Variants in ALS2 observed in about 807,000 individuals in gnomAD.
ALS2 encodes alsin Rho guanine nucleotide exchange factor ALS2, also known as alsin.
A neutral mutation model predicts 203.4 loss-of-function variants in ALS2; 117 were observed. That is an observed-to-expected ratio of 0.58 (90% CI 0.50 to 0.67). ALS2 has a LOEUF of 0.67. Among genes scored for constraint, ALS2 ranks in the 30% least tolerant of loss-of-function variants. The probability of loss-of-function intolerance (pLI) is 0.00; values close to 1 mark genes in which losing one functional copy is unlikely to be tolerated. For synonymous variants in ALS2, 718 were observed against 725.9 expected (o/e 0.99, Z 0.17); for missense variants, 1,715 against 1,989.4 (o/e 0.86, Z 2.62).
chr2:201,767,132 G>GA (rs1272706965), intron 3 of ALS2, 97 bp downstream of exon 3: 4 of 1,384,642 alleles, frequency 2.9e-6, no homozygotes, highest in Non-Finnish European at 4.0e-6. Flanking sequence ...AAAAGAAAAA[G>GA]AACCCCTAGT....
At chr2:201,706,371 G>A (rs1367404996) in intron 29 of ALS2, among the ~76,000 whole-genome samples, 2 of 142,200 alleles carry the variant, frequency 1.4e-5, no homozygotes, top group African/African-American at 5.2e-5. Context: ...GCATGACAGA[G>A]TGAAACTCTC....
At chr2:201,715,959 T>C (rs1412969832) in intron 24 of ALS2, 120 bp from the exon 25 acceptor site, 1 of 978,466 alleles carries the variant, frequency 1.0e-6, no homozygotes, top group African/African-American at 1.6e-5. Context: ...CTGCCAAGAC[T>C]GATGGTAATT....
intron 2 of ALS2, among the ~76,000 whole-genome samples, chr2:201,767,651 G>A (rs1318170009): frequency 7.3e-5 from 11 of 151,696 alleles, no homozygotes; most frequent in African/African-American, 2.7e-4. Context: ...TCACAAGGTA[G>A]GAGCTCGAGA....
intron 24 of ALS2, among the ~76,000 whole-genome samples, chr2:201,717,085 C>T (rs1690448323): frequency 6.6e-6 from 1 of 152,034 alleles, no homozygotes; most frequent in Non-Finnish European, 1.5e-5. Flanking sequence ...CTCATATATG[C>T]AGATTTTACT....
At chr2:201,716,665 A>T (rs534120374) in intron 24 of ALS2, 2,154 of 150,796 alleles carry the variant, frequency 0.014, 26 homozygotes, top group Non-Finnish European at 0.026. Flanking sequence ...CAGTGAGCTG[A>T]GATCACGCCA....
chr2:201,776,063 A>G (rs917716415), intron 1 of ALS2, among the ~76,000 whole-genome samples: 1 of 152,212 alleles, frequency 6.6e-6, no homozygotes. Flanking sequence ...AGTGCCTGTA[A>G]TAAAAGTCAG....
At chr2:201,728,759 G>C in intron 14 of ALS2, 119 bp from the exon 15 acceptor site, 1 of 1,260,820 alleles carries the variant, frequency 7.9e-7, no homozygotes, top group Non-Finnish European at 1.1e-6. Context: ...AGCTTAGCTT[G>C]GTGTAAAATC....
chr2:201,757,806 T>C (rs527255797), intron 4 of ALS2, 47 bp from the exon 5 acceptor site: 2 of 1,399,416 alleles, frequency 1.4e-6, no homozygotes, highest in South Asian at 2.5e-5. Context: ...TAATCCCTTA[T>C]GCAACAAGCA....
At chr2:201,705,364 C>T in intron 30 of ALS2, 52 bp downstream of exon 30, 1 of 1,576,088 alleles carries the variant, frequency 6.3e-7, no homozygotes, top group Non-Finnish European at 8.7e-7. Flanking sequence ...TATCTCAAAT[C>T]CTTCCCATTA....
At chr2:201,725,903 C>T (rs764900790) in intron 19 of ALS2, among the ~76,000 whole-genome samples, 1 of 152,196 alleles carries the variant, frequency 6.6e-6, no homozygotes, top group African/African-American at 2.4e-5. Context: ...CACAGACACA[C>T]AAAATCACCT....
In ALS2 at chr2:201,767,389, A is replaced by T; in HGVS notation, c.21-6T>A. ...ATCCTTCTGCCTCTGTTGAGCTAAA[A>T]CATCAAGAAACATAGCTTAATTGTT... On this transcript the variant is annotated splice_region_variant and splice_polypyrimidine_tract_variant and intron_variant, in intron 2 of 33. Coordinates refer to ENST00000264276, the MANE Select transcript of ALS2 (RefSeq NM_020919.4). 1 of 1,613,888 alleles carries T rather than the reference A, an allele frequency of 6.2e-7. No individual in the cohort carries two copies. The highest frequency in any genetic ancestry group is 1.1e-5 in the South Asian group (1 of 91,048).
Position 201,757,447 on chromosome 2 carries a change from CTG to C in ALS2, c.1424_1425del (p.Thr475ArgfsTer72). On this transcript the variant is annotated frameshift_variant, in exon 5 of 34. Transcript: ENST00000264276. LOFTEE classifies it high-confidence loss of function. The stretch of plus-strand genomic sequence containing the variant: ...AGGGAGAGTCTTCGACTGCCTCCCT[CTG>C]TTTCTTCTTCTCTGATATCCACAAG... ...SSLVDIREEE[T>X]EGGSRRLSLP... 1 of 1,614,134 alleles carries C rather than the reference CTG, an allele frequency of 6.2e-7. No individual in the cohort carries two copies. The highest frequency in any genetic ancestry group is 8.5e-7 in the Non-Finnish European group (1 of 1,180,016).
rs905165056 is a variant in ALS2, at chr2:201,701,531, A to G, written c.*320T>C. 5 of 220,544 alleles carry G rather than the reference A, an allele frequency of 2.3e-5. No individual in the cohort carries two copies. The highest frequency in any genetic ancestry group is 4.5e-5 in the Non-Finnish European group (5 of 111,534). The allele number at this position is 220,544 out of a possible 1,614,324, so 13.7% of individuals were successfully genotyped here. ...GGAAGCTTTTCTTACAACTTCATGT[A>G]GCTGACATACCCTTTACTGTAGGAA... On this transcript the variant is annotated 3_prime_UTR_variant, in exon 34 of 34. Transcript: ENST00000264276.
rs143312253 is a variant in ALS2, at chr2:201,733,155, TAATTA to T, written c.2580+116_2580+120del. Reference sequence around the variant, plus strand: ...TCATTTCCCTGAAGAAAATTAAATTTAATTAGACACAGGTAAATATTAAATTACTG... The same window carrying T: ...TCATTTCCCTGAAGAAAATTAAATTTGACACAGGTAAATATTAAATTACTG... On this transcript the variant is annotated intron_variant, in intron 13 of 33. Coordinates refer to ENST00000264276, the MANE Select transcript of ALS2 (RefSeq NM_020919.4). 5.8e-4 allele frequency: 637 copies of T among 1,098,388 alleles called. 2 individuals carry two copies. In the African/African-American group the frequency reaches 8.7e-3, roughly 15 times the overall value. The allele number at this position is 1,098,388 out of a possible 1,614,324, so 68.0% of individuals were successfully genotyped here.
chr2:201,703,545 A>C (rs2105962137), intron 33 of ALS2, among the ~76,000 whole-genome samples: 1 of 152,256 alleles, frequency 6.6e-6, no homozygotes, highest in East Asian at 1.9e-4. Flanking sequence ...ATTTTTCACA[A>C]GTGTTTTTGC....
chr2:201,752,260 T>G (rs1401060428), intron 7 of ALS2, among the ~76,000 whole-genome samples: 1 of 152,200 alleles, frequency 6.6e-6, no homozygotes, highest in Non-Finnish European at 1.5e-5. Context: ...GTTCTAAAGT[T>G]TGCATCATAT....
rs907072533 is a variant in ALS2, at chr2:201,727,743, C to T, written c.2874G>A (p.Thr958=). ...CTTCAGACAGTGGCTCTGCCCACAG[C>T]GTGGCCAGAGGGAAAACATGGTGCG... is the stretch of plus-strand genomic sequence containing the variant. The part of the protein sequence containing the change: ...FSTHHVFPLA[T]LWAEPLSEEA... The change falls in exon 16 of 34, where the codon ACG becomes ACA. Residue 958 remains threonine (T), a synonymous_variant. Transcript: ENST00000264276. 8 of 1,551,528 alleles carry T rather than the reference C, an allele frequency of 5.2e-6. No homozygotes were observed. Among genetic ancestry groups the T allele is most frequent in the Non-Finnish European group, 6.1e-6 (7 of 1,147,004 alleles).
intron 2 of ALS2, among the ~76,000 whole-genome samples, chr2:201,768,635 G>A (rs1694225008): frequency 6.6e-6 from 1 of 152,130 alleles, no homozygotes; most frequent in Admixed American, 6.6e-5. Context: ...GGGAAAAATG[G>A]CTACAAGCAC....
intron 11 of ALS2, chr2:201,741,290 C>T (rs1484103755): frequency 9.4e-6 from 2 of 212,794 alleles, no homozygotes; most frequent in Non-Finnish European, 2.0e-5. Flanking sequence ...CAGAACAGCT[C>T]CATATTTACA....
Sources: allele counts gnomAD v4.1 joint callset (sites outside exome capture counted in the v4.1 genomes callset), GRCh38; gene constraint gnomAD v4.1.1; transcripts MANE v1.5; gene names NCBI Gene and HGNC (gene_info 2026-07-23, HGNC 2026-07-21).